Variants in ANKS1B observed in about 807,000 individuals in gnomAD.
The protein encoded by ANKS1B is ankyrin repeat and sterile alpha motif domain containing 1B, also known as ankyrin repeat and sterile alpha motif domain-containing protein 1B.
ANKS1B carries 36 observed loss-of-function variants against 148.3 expected under a neutral mutation model. The observed-to-expected ratio is 0.24, with a 90% CI of 0.19 to 0.32. ANKS1B has a LOEUF of 0.32. Among genes scored for constraint, ANKS1B ranks in the 10% least tolerant of loss-of-function variants. The pLI is 1.00. For missense variants in ANKS1B, 1,157 were observed against 1,542.6 expected, an observed-to-expected ratio of 0.75 and a Z score of 4.19; for synonymous variants, 542 against 560.8, an observed-to-expected ratio of 0.97 and a Z score of 0.47.
chr12:98,887,694 G>A (rs1004212685), intron 17 of ANKS1B, among the ~76,000 whole-genome samples: 3 of 151,798 alleles, frequency 2.0e-5, no homozygotes, highest in African/African-American at 7.3e-5. Context: ...TGCAACCTCT[G>A]TCTCCTGGGT....
At chr12:99,351,142 C>G (rs906139102) in intron 12 of ANKS1B, among the ~76,000 whole-genome samples, 44 of 152,078 alleles carry the variant, frequency 2.9e-4, no homozygotes, top group Middle Eastern at 3.4e-3. Flanking sequence ...GATGGGCAGC[C>G]AGTAAAGTCA....
intron 8 of ANKS1B, among the ~76,000 whole-genome samples, chr12:99,747,900 CAT>C (rs1321247326): frequency 2.0e-5 from 3 of 152,264 alleles, no homozygotes; most frequent in Non-Finnish European, 2.9e-5. Context: ...AAAAGAAACA[CAT>C]GAGTACACCT....
At chr12:98,894,857 C>T (rs913349447) in intron 17 of ANKS1B, 5 of 980,314 alleles carry the variant, frequency 5.1e-6, no homozygotes, top group Non-Finnish European at 6.0e-6. Context: ...GCGCCGGGCT[C>T]TCCCCGCGAG....
At chr12:99,739,209 T>G (rs2059870094) in intron 8 of ANKS1B, among the ~76,000 whole-genome samples, 1 of 151,408 alleles carries the variant, frequency 6.6e-6, no homozygotes, top group Non-Finnish European at 1.5e-5. Context: ...TAAACCACTG[T>G]GGCCTTCAAC....
intron 9 of ANKS1B, among the ~76,000 whole-genome samples, chr12:99,534,057 T>C (rs964954822): frequency 1.3e-5 from 2 of 152,158 alleles, no homozygotes; most frequent in African/African-American, 4.8e-5. Context: ...ACAAGAAATA[T>C]GGTAACATAA....
Position 99,155,130 on chromosome 12 carries a change from C to T in ANKS1B, c.2420-735G>A. Reference sequence around the variant, plus strand: ...TGGAATTTTACGTTTCAAAAGACACCAGGAAATGCGAAGCTTGAACTATAG... The same window carrying T: ...TGGAATTTTACGTTTCAAAAGACACTAGGAAATGCGAAGCTTGAACTATAG... On this transcript the variant is annotated intron_variant, in intron 14 of 26. Coordinates refer to ENST00000683438, the MANE Select transcript of ANKS1B (RefSeq NM_001352186.2). 8.0e-6 allele frequency: 12 copies of T among 1,490,732 alleles called. No homozygotes were observed. In the South Asian group the frequency reaches 1.3e-4, roughly 16 times the overall value. The allele number at this position is 1,490,732 out of a possible 1,614,324, so 92.3% of individuals were successfully genotyped here.
Position 99,246,558 on chromosome 12 carries a change from CCAACAATGGTATGGTTTT to C in ANKS1B, c.2045_2062del (p.Glu682_Val687del). ...AGATCCACTCCTGGTTGATCTTGTG[CCAACAATGGTATGGTTTT>C]CGAGTTGGTTGCTTTTTTTGTGAAA... On this transcript the variant is annotated inframe_deletion, in exon 13 of 27. Coordinates refer to ENST00000683438, the MANE Select transcript of ANKS1B (RefSeq NM_001352186.2). 1 of 1,613,840 alleles carries C rather than the reference CCAACAATGGTATGGTTTT, an allele frequency of 6.2e-7. No homozygotes were observed. Among genetic ancestry groups the C allele is most frequent in the Non-Finnish European group, 8.5e-7 (1 of 1,179,844 alleles).
chr12:99,455,891 G>C (rs11109849), intron 10 of ANKS1B, among the ~76,000 whole-genome samples: 1 of 151,996 alleles, frequency 6.6e-6, no homozygotes, highest in Non-Finnish European at 1.5e-5. Flanking sequence ...CCCCACCCAC[G>C]GCCTGATCCT....
At chr12:99,465,285 G>C (rs1193549333) in intron 10 of ANKS1B, among the ~76,000 whole-genome samples, 1 of 152,130 alleles carries the variant, frequency 6.6e-6, no homozygotes, top group Non-Finnish European at 1.5e-5. Flanking sequence ...AAGAGCTCCT[G>C]AAGGAAGCAC....
chr12:98,765,166 G>C (rs982827685), intron 25 of ANKS1B, among the ~76,000 whole-genome samples: 3 of 152,198 alleles, frequency 2.0e-5, no homozygotes, highest in African/African-American at 7.2e-5. Context: ...CCATGTGCTG[G>C]AAATGCGTAT....
intron 14 of ANKS1B, among the ~76,000 whole-genome samples, chr12:99,227,365 T>C (rs889607359): frequency 6.6e-6 from 1 of 152,222 alleles, no homozygotes; most frequent in African/African-American, 2.4e-5. Flanking sequence ...GCCAGGAACA[T>C]GCTTCCTGTA....
intron 8 of ANKS1B, among the ~76,000 whole-genome samples, chr12:99,694,762 T>C (rs1013516526): frequency 6.6e-6 from 1 of 152,200 alleles, no homozygotes; most frequent in African/African-American, 2.4e-5. Context: ...CATAGAATTT[T>C]AGACCATAAA....
intron 17 of ANKS1B, among the ~76,000 whole-genome samples, chr12:98,952,669 T>C (rs1432733895): frequency 6.6e-6 from 1 of 152,182 alleles, no homozygotes; most frequent in African/African-American, 2.4e-5. Flanking sequence ...GACCCCTGCC[T>C]GCTCTCCACC....
intron 14 of ANKS1B, among the ~76,000 whole-genome samples, chr12:99,202,198 C>T (rs77681741): frequency 0.05 from 7,563 of 152,194 alleles, 627 homozygotes; most frequent in African/African-American, 0.17. Context: ...TCTGCTGTGA[C>T]TTTGTAATCA....
At chr12:99,282,423 G>C (rs1001205804) in intron 12 of ANKS1B, among the ~76,000 whole-genome samples, 1 of 152,164 alleles carries the variant, frequency 6.6e-6, no homozygotes, top group Admixed American at 6.5e-5. Flanking sequence ...ACTGATTTAA[G>C]AGTTGAAAAA....
At chr12:98,752,510 G>A (rs868160241) in intron 25 of ANKS1B, among the ~76,000 whole-genome samples, 1 of 152,144 alleles carries the variant, frequency 6.6e-6, no homozygotes, top group Non-Finnish European at 1.5e-5. Context: ...ACCCGCCTCA[G>A]CCTCCCAAAG....
chr12:99,797,862 G>A (rs1266426427), intron 4 of ANKS1B, among the ~76,000 whole-genome samples: 1 of 151,942 alleles, frequency 6.6e-6, no homozygotes, highest in African/African-American at 2.4e-5. Flanking sequence ...CAAGCAAAAG[G>A]GAGAGAAGAT....
chr12:99,593,132 T>A (rs781030444), intron 9 of ANKS1B, among the ~76,000 whole-genome samples: 2 of 151,690 alleles, frequency 1.3e-5, no homozygotes, highest in Non-Finnish European at 2.9e-5. Flanking sequence ...TAGAGGAGAG[T>A]ATAATGAGGC....
At chr12:99,264,719 T>A (rs1328948998) in intron 12 of ANKS1B, among the ~76,000 whole-genome samples, 1 of 152,098 alleles carries the variant, frequency 6.6e-6, no homozygotes, top group African/African-American at 2.4e-5. Flanking sequence ...TTGCAAAGGG[T>A]GGTCTTAGCT....
Sources: gnomAD v4.1 joint callset for allele counts (sites outside exome capture counted in the v4.1 genomes callset) on GRCh38, gnomAD v4.1.1 for gene constraint, MANE v1.5 for transcripts, NCBI Gene and HGNC (gene_info 2026-07-23, HGNC 2026-07-21) for gene names.